RARB: variants seen among roughly 807,000 people sequenced by gnomAD.
RARB encodes HBV-activated protein.
Under a neutral mutation model 51.9 loss-of-function variants are expected in RARB, and 17 were observed. The observed-to-expected ratio is 0.33, with a 90% CI of 0.22 to 0.49. The LOEUF (loss-of-function observed/expected upper bound fraction) is 0.49, where lower values mean the gene tolerates loss of function less well. Ranked by LOEUF, RARB falls within the 20% of genes least tolerant of loss-of-function variation. The probability of loss-of-function intolerance (pLI) is 0.99; values close to 1 mark genes in which losing one functional copy is unlikely to be tolerated. For missense variants in RARB, 369 were observed against 550.8 expected (o/e 0.67, Z 3.30); for synonymous variants, 215 against 195.4 (o/e 1.10, Z -0.84).
At chr3:25,081,033 T>G (rs62228547) in intron 3 of RARB, among the ~76,000 whole-genome samples, 1 of 152,138 alleles carries the variant, frequency 6.6e-6, no homozygotes, top group Non-Finnish European at 1.5e-5. Flanking sequence ...CTTCTATGCA[T>G]ACTGTGGGTT....
chr3:25,366,620 C>T (rs1706126989), intron 5 of RARB, among the ~76,000 whole-genome samples: 1 of 152,134 alleles, frequency 6.6e-6, no homozygotes, highest in Non-Finnish European at 1.5e-5. Context: ...ATTTTTAGCT[C>T]ATGGTTCCTA....
chr3:25,242,934 C>A (rs1201050320), intron 5 of RARB, among the ~76,000 whole-genome samples: 1 of 152,120 alleles, frequency 6.6e-6, no homozygotes, highest in Non-Finnish European at 1.5e-5. Flanking sequence ...TTTTTCCTAT[C>A]CATGAGCATG....
At chr3:25,354,883 T>G (rs1464891520) in intron 5 of RARB, among the ~76,000 whole-genome samples, 1 of 18 alleles carries the variant, frequency 0.056, no homozygotes, top group East Asian at 0.5. Context: ...TTGCAAAGTC[T>G]TTTTTTTTTT....
intron 2 of RARB, among the ~76,000 whole-genome samples, chr3:24,981,114 A>T (rs1411299813): frequency 6.6e-6 from 1 of 152,120 alleles, no homozygotes; most frequent in African/African-American, 2.4e-5. Flanking sequence ...AACAGCAAAT[A>T]TTGCTGCCTG....
In RARB at chr3:25,433,189, T is replaced by C. The variant is rs554290596; in HGVS notation, c.157+4301T>C. On this transcript the variant is annotated intron_variant, in intron 1 of 7. Transcript: ENST00000330688. ...TCAAATTACAGGGTAGTTATGACAATCATGTATCTCTGATTTTCTAGAATA... is the reference window on the plus strand; with the variant it reads ...TCAAATTACAGGGTAGTTATGACAACCATGTATCTCTGATTTTCTAGAATA... Among the ~76,000 whole-genome samples the C allele has an allele frequency of 3.9e-5, 6 of 152,316 alleles. No individual in the cohort carries two copies. In the South Asian group the frequency reaches 1.2e-3, roughly 32 times the overall value.
chr3:25,284,364 G>A (rs930974490), intron 5 of RARB, among the ~76,000 whole-genome samples: 1 of 152,002 alleles, frequency 6.6e-6, no homozygotes, highest in East Asian at 1.9e-4. Context: ...AATAATAAAT[G>A]CTGTTGTTTG....
intron 2 of RARB, among the ~76,000 whole-genome samples, chr3:24,896,354 G>A (rs1464218876): frequency 6.6e-6 from 1 of 152,114 alleles, no homozygotes; most frequent in Non-Finnish European, 1.5e-5. Context: ...CTGTCTTCCA[G>A]GTTCAAGCGA....
At chr3:25,260,805 T>C (rs1426561497) in intron 5 of RARB, among the ~76,000 whole-genome samples, 1 of 152,144 alleles carries the variant, frequency 6.6e-6, no homozygotes, top group African/African-American at 2.4e-5. Context: ...CTTAGGCAAG[T>C]TGATTAACTT....
At chr3:25,466,500 GTTTGT>G (rs1186402880) in intron 2 of RARB, among the ~76,000 whole-genome samples, 2 of 152,172 alleles carry the variant, frequency 1.3e-5, no homozygotes, top group African/African-American at 4.8e-5. Context: ...CCAGCCTATC[GTTTGT>G]TTTATCATTA....
At chr3:25,106,705 T>C (rs1307118204) in intron 3 of RARB, among the ~76,000 whole-genome samples, 1 of 151,900 alleles carries the variant, frequency 6.6e-6, no homozygotes, top group Admixed American at 6.6e-5. Flanking sequence ...ATGCATATTG[T>C]AACACTTTCC....
At chr3:25,493,540 A>G (rs1326560453) in intron 2 of RARB, among the ~76,000 whole-genome samples, 2 of 152,178 alleles carry the variant, frequency 1.3e-5, no homozygotes, top group Non-Finnish European at 2.9e-5. Flanking sequence ...CTGAATGACT[A>G]CCTGGGCTGG....
intron 2 of RARB, among the ~76,000 whole-genome samples, chr3:24,897,579 A>C (rs1332079966): frequency 6.6e-6 from 1 of 152,222 alleles, no homozygotes; most frequent in African/African-American, 2.4e-5. Context: ...AGCTATATTT[A>C]GTTAAAATAT....
intron 5 of RARB, among the ~76,000 whole-genome samples, chr3:25,314,267 T>C (rs1704363230): frequency 6.6e-6 from 1 of 152,234 alleles, no homozygotes; most frequent in South Asian, 2.1e-4. Context: ...TTTTGTTTCT[T>C]TTGATAACAG....
chr3:25,358,614 G>A lies in RARB; in HGVS notation c.179-102579G>A, dbSNP rs187906977. Among the ~76,000 whole-genome samples, 415 of 152,108 alleles carry A rather than the reference G, an allele frequency of 2.7e-3. 1 individual carries two copies. Among genetic ancestry groups the A allele is most frequent in the Admixed American group, 6.3e-3 (96 of 15,256 alleles). ...CCATTCAGTATGATATTGGCTGTGC[G>A]TTCTCATTAATAGCTCTTATTATTT... On this transcript the variant is annotated intron_variant, in intron 5 of 11. Transcript: ENST00000383772.
chr3:24,955,814 A>G (rs1050845831), intron 2 of RARB, among the ~76,000 whole-genome samples: 1 of 152,088 alleles, frequency 6.6e-6, no homozygotes, highest in African/African-American at 2.4e-5. Context: ...GTGGAGCTGC[A>G]CAGGAATAAA....
intron 4 of RARB, among the ~76,000 whole-genome samples, chr3:25,155,714 T>C (rs1575185689): frequency 6.6e-6 from 1 of 152,256 alleles, no homozygotes; most frequent in East Asian, 1.9e-4. Context: ...AAAACAGCAA[T>C]AGGACTCTTT....
chr3:25,594,410 A>C (rs1458542354), intron 6 of RARB, 110 bp from the exon 7 acceptor site: 2 of 1,189,874 alleles, frequency 1.7e-6, no homozygotes, highest in Non-Finnish European at 2.3e-6. Context: ...TTGTGTATGT[A>C]ATTGAATTAC....
At chr3:24,998,501 A>C (rs1328688601) in intron 2 of RARB, among the ~76,000 whole-genome samples, 1 of 152,098 alleles carries the variant, frequency 6.6e-6, no homozygotes, top group African/African-American at 2.4e-5. Flanking sequence ...TTAAAAAAAA[A>C]AATGGAGTTT....
chr3:25,416,527 G>C (rs17016385), intron 5 of RARB, among the ~76,000 whole-genome samples: 13,713 of 152,246 alleles, frequency 0.09, 663 homozygotes, highest in Middle Eastern at 0.16. Flanking sequence ...CAATGGATTG[G>C]TACTGAATGC....
Sources: allele counts gnomAD v4.1 joint callset (sites outside exome capture counted in the v4.1 genomes callset), GRCh38; gene constraint gnomAD v4.1.1; transcripts MANE v1.5; gene names NCBI Gene and HGNC (gene_info 2026-07-23, HGNC 2026-07-21).